CHRDL1: variants seen among roughly 807,000 people sequenced by gnomAD.
The protein encoded by CHRDL1 is chordin-like protein 1.
A neutral mutation model predicts 40.9 loss-of-function variants in CHRDL1; 19 were observed. The ratio of observed to expected loss-of-function variants is 0.46; its 90% CI spans 0.32 to 0.68. The LOEUF (loss-of-function observed/expected upper bound fraction) is 0.68, where lower values mean the gene tolerates loss of function less well. Ranked by LOEUF, CHRDL1 falls within the 30% of genes least tolerant of loss-of-function variation. The probability of loss-of-function intolerance (pLI) is 0.03; values close to 1 mark genes in which losing one functional copy is unlikely to be tolerated. For synonymous variants in CHRDL1, 136 were observed against 123.4 expected (o/e 1.10, Z -0.68); for missense variants, 329 against 352.1 (o/e 0.93, Z 0.53).
intron 2 of CHRDL1, among the ~76,000 whole-genome samples, chrX:110,769,658 G>A (rs577947484): frequency 8.9e-6 from 1 of 112,243 alleles, no homozygotes; most frequent in African/African-American, 3.2e-5. Flanking sequence ...GGTGGAAGGT[G>A]AAAGGCACAT....
intron 2 of CHRDL1, among the ~76,000 whole-genome samples, chrX:110,767,487 G>T (rs2089680887): frequency 1.8e-5 from 2 of 110,323 alleles, no homozygotes; most frequent in African/African-American, 6.6e-5. Context: ...AAAGAATTCA[G>T]CAAAGTTTCT....
rs534948474 is a variant in CHRDL1, at chrX:110,724,080, C to A, written c.302-2550G>T. On this transcript the variant is annotated intron_variant, in intron 4 of 11. Coordinates refer to ENST00000372042, the MANE Select transcript of CHRDL1 (RefSeq NM_001143981.2). ...AGCAGGCCCATTTGCCCCCTGGGCT[C>A]TAATTATTCCAAATCTCAGCATTTT... Among the ~76,000 whole-genome samples the A allele has an allele frequency of 1.5e-4, 16 of 106,963 alleles. No homozygotes were observed. In the South Asian group the frequency reaches 5.9e-3, roughly 39 times the overall value. The allele number at this position is 106,963 out of a possible 115,157, so 92.9% of individuals were successfully genotyped here.
intron 2 of CHRDL1, among the ~76,000 whole-genome samples, chrX:110,771,211 T>A (rs1270281338): frequency 9.0e-6 from 1 of 111,085 alleles, no homozygotes; most frequent in African/African-American, 3.3e-5. Flanking sequence ...TAAATTGTAG[T>A]TGAAAACTTT....
chrX:110,723,705 G>A (rs1163902569), intron 4 of CHRDL1, among the ~76,000 whole-genome samples: 1 of 112,142 alleles, frequency 8.9e-6, no homozygotes, highest in Non-Finnish European at 1.9e-5. Context: ...AGGCTATGCT[G>A]TCCCTAATGT....
rs959815150 is a variant in CHRDL1, at chrX:110,733,542, T to C, written c.302-12012A>G. Among the ~76,000 whole-genome samples, 3 of 111,549 alleles carry C rather than the reference T, an allele frequency of 2.7e-5. No individual in the cohort carries two copies. In the Admixed American group the frequency reaches 2.9e-4, roughly 11 times the overall value. On this transcript the variant is annotated intron_variant, in intron 4 of 11. Coordinates refer to ENST00000372042, the MANE Select transcript of CHRDL1 (RefSeq NM_001143981.2). Reference sequence around the variant, plus strand: ...AATATAAAGTGTGCCGCTTTTTAAGTGATCAATAAGTGCAAAGGAGACAGG... The same window carrying C: ...AATATAAAGTGTGCCGCTTTTTAAGCGATCAATAAGTGCAAAGGAGACAGG...
chrX:110,788,459 C>T (rs761933489), intron 2 of CHRDL1, among the ~76,000 whole-genome samples: 1 of 111,882 alleles, frequency 8.9e-6, no homozygotes, highest in South Asian at 3.8e-4. Flanking sequence ...AAACACATTC[C>T]TTGACCTAAA....
intron 7 of CHRDL1, among the ~76,000 whole-genome samples, chrX:110,696,161 T>A (rs1425328073): frequency 9.0e-6 from 1 of 111,325 alleles, no homozygotes; most frequent in Non-Finnish European, 1.9e-5. Flanking sequence ...GCAGTTGGAC[T>A]GGGATAGAAT....
intron 2 of CHRDL1, among the ~76,000 whole-genome samples, chrX:110,775,559 A>G (rs2089838698): frequency 1.8e-5 from 2 of 111,630 alleles, no homozygotes; most frequent in Admixed American, 9.5e-5. Flanking sequence ...CATGTTGTAT[A>G]CCTTAAATGT....
intron 2 of CHRDL1, among the ~76,000 whole-genome samples, chrX:110,771,303 AGAG>A (rs1360851783): frequency 8.9e-6 from 1 of 111,882 alleles, no homozygotes; most frequent in African/African-American, 3.3e-5. Flanking sequence ...AGAAAACTGA[AGAG>A]GAGGGAATAC....
chrX:110,773,239 G>A (rs1043787377), intron 2 of CHRDL1, among the ~76,000 whole-genome samples: 14 of 111,713 alleles, frequency 1.3e-4, no homozygotes, highest in African/African-American at 4.6e-4. Flanking sequence ...TCTAAGCACT[G>A]CATTTGCTGC....
intron 9 of CHRDL1, among the ~76,000 whole-genome samples, chrX:110,684,867 T>C (rs186497637): frequency 2.1e-3 from 237 of 112,143 alleles, no homozygotes; most frequent in Non-Finnish European, 3.8e-3. Context: ...CAGACACCCA[T>C]GTCTGGCTCA....
At chrX:110,738,405 C>T (rs944123136) in intron 4 of CHRDL1, among the ~76,000 whole-genome samples, 1 of 111,752 alleles carries the variant, frequency 8.9e-6, no homozygotes, top group Non-Finnish European at 1.9e-5. Context: ...CTCCTGTTCT[C>T]AACAAACAAC....
chrX:110,765,559 C>T (rs1016635390), intron 2 of CHRDL1, among the ~76,000 whole-genome samples: 1 of 111,548 alleles, frequency 9.0e-6, no homozygotes, highest in African/African-American at 3.3e-5. Flanking sequence ...TGAAAAGGAC[C>T]CCCACATTTA....
chrX:110,705,312 CACAT>C (rs2070605933), intron 6 of CHRDL1, among the ~76,000 whole-genome samples: 1 of 79,704 alleles, frequency 1.3e-5, no homozygotes, highest in Non-Finnish European at 2.3e-5. Flanking sequence ...TATACACACA[CACAT>C]ATATATATAC....
chrX:110,749,436 A>G (rs2089317716), intron 4 of CHRDL1, among the ~76,000 whole-genome samples: 1 of 112,000 alleles, frequency 8.9e-6, no homozygotes, highest in Admixed American at 9.5e-5. Context: ...TACAGTACAT[A>G]TATTTCTTAG....
chrX:110,743,321 T>A (rs1159455050), intron 4 of CHRDL1, among the ~76,000 whole-genome samples: 9 of 112,358 alleles, frequency 8.0e-5, no homozygotes, highest in Non-Finnish European at 1.9e-5. Flanking sequence ...GGGCTTAGTG[T>A]TTGGTCAGAT....
chrX:110,764,996 T>C (rs1296526237), intron 2 of CHRDL1, among the ~76,000 whole-genome samples: 1 of 111,942 alleles, frequency 8.9e-6, no homozygotes, highest in Non-Finnish European at 1.9e-5. Context: ...AGTGCACCGC[T>C]GAACATAGAC....
chrX:110,686,051 T>C (rs980860215), intron 9 of CHRDL1, among the ~76,000 whole-genome samples: 5 of 109,520 alleles, frequency 4.6e-5, no homozygotes, highest in Non-Finnish European at 9.5e-5. Flanking sequence ...CGTGCCACCA[T>C]ACCTGGCTAA....
At chrX:110,708,132 A>C (rs771993028) in intron 6 of CHRDL1, among the ~76,000 whole-genome samples, 2 of 111,062 alleles carry the variant, frequency 1.8e-5, no homozygotes, top group Non-Finnish European at 3.8e-5. Context: ...ATCCTTAAAA[A>C]GTCAGGAAAC....
Sources: allele counts gnomAD v4.1 joint callset (sites outside exome capture counted in the v4.1 genomes callset), GRCh38; gene constraint gnomAD v4.1.1; transcripts MANE v1.5; gene names NCBI Gene and HGNC (gene_info 2026-07-23, HGNC 2026-07-21).